The following PDE3B variants were observed in gnomAD, a reference collection of about 807,000 sequenced individuals.
The protein encoded by PDE3B is phosphodiesterase 3B, also known as cGMP-inhibited 3',5'-cyclic phosphodiesterase 3B.
A neutral mutation model predicts 116.8 loss-of-function variants in PDE3B; 66 were observed. That is an observed-to-expected ratio of 0.56 (90% CI 0.46 to 0.69). The LOEUF (loss-of-function observed/expected upper bound fraction) is 0.69, where lower values mean the gene tolerates loss of function less well. PDE3B is among the 30% of genes least tolerant of loss of function. The pLI is 0.00. For synonymous variants in PDE3B, 595 were observed against 533.6 expected (o/e 1.12, Z -1.59); for missense variants, 1,384 against 1,368.1 (o/e 1.01, Z -0.18).
chr11:14,723,723 C>G (rs1203475567), intron 1 of PDE3B, among the ~76,000 whole-genome samples: 1 of 151,428 alleles, frequency 6.6e-6, no homozygotes, highest in Non-Finnish European at 1.5e-5. Flanking sequence ...GATTGGGCCA[C>G]TGTACTCCAG....
intron 1 of PDE3B, among the ~76,000 whole-genome samples, chr11:14,667,673 C>T (rs183028233): frequency 4.7e-5 from 7 of 148,648 alleles, no homozygotes; most frequent in Non-Finnish European, 1.0e-4. Context: ...GAACATGACA[C>T]AACGGGGACT....
At chr11:14,891,055 T>G in the PDE3B span, 1 of 985,344 alleles carries the variant, frequency 1.0e-6, no homozygotes, top group Non-Finnish European at 1.2e-6. Flanking sequence ...GTCAGGCCTG[T>G]AGTTGCATAT....
intron 1 of PDE3B, among the ~76,000 whole-genome samples, chr11:14,651,969 TGAA>T (rs1454494885): frequency 1.3e-5 from 2 of 152,222 alleles, no homozygotes; most frequent in African/African-American, 2.4e-5. Context: ...TCAATTTTGA[TGAA>T]GTTTATCTAC....
chr11:14,841,013 G>T (rs1860205248), intron 11 of PDE3B, among the ~76,000 whole-genome samples: 1 of 152,002 alleles, frequency 6.6e-6, no homozygotes, highest in Non-Finnish European at 1.5e-5. Flanking sequence ...CTACATATTT[G>T]GTCAGACATT....
chr11:14,805,125 C>T (rs1216463960), intron 5 of PDE3B, among the ~76,000 whole-genome samples: 1 of 151,990 alleles, frequency 6.6e-6, no homozygotes, highest in Non-Finnish European at 1.5e-5. Flanking sequence ...TAAAAGAAAG[C>T]AAACAACAAA....
At chr11:14,892,380 G>T in the PDE3B span, 4 of 643,918 alleles carry the variant, frequency 6.2e-6, no homozygotes, top group South Asian at 5.7e-5. Context: ...AGTTTTGCGC[G>T]GCTGAGAGTG....
the PDE3B span, chr11:14,890,772 TCTC>T: frequency 2.5e-5 from 17 of 673,632 alleles, no homozygotes; most frequent in Non-Finnish European, 2.7e-5. Context: ...ACGGTCTCGA[TCTC>T]CTGATTTCGT....
At chr11:14,858,779 CA>C (rs1430898069) in intron 12 of PDE3B, among the ~76,000 whole-genome samples, 19 of 152,138 alleles carry the variant, frequency 1.2e-4, no homozygotes, top group African/African-American at 4.6e-4. Context: ...ACGGTGTCTG[CA>C]AAGATAAACT....
chr11:14,855,348 TA>T (rs1164780239), intron 12 of PDE3B, among the ~76,000 whole-genome samples: 112 of 146,220 alleles, frequency 7.7e-4, no homozygotes, highest in East Asian at 1.2e-3. Flanking sequence ...AGATTTTGTT[TA>T]AAAAAAAAAA....
chr11:14,709,157 A>G (rs1215136848), intron 1 of PDE3B, among the ~76,000 whole-genome samples: 1 of 152,090 alleles, frequency 6.6e-6, no homozygotes, highest in Non-Finnish European at 1.5e-5. Flanking sequence ...CTGTGAAAAA[A>G]AAGTGCAGAG....
At chr11:14,879,141 T>C in the PDE3B span, 9 of 1,613,192 alleles carry the variant, frequency 5.6e-6, no homozygotes, top group Non-Finnish European at 8.5e-7. Context: ...AAAGCTTCCT[T>C]CTTGGCAAAA....
At chr11:14,707,216 C>T (rs570318990) in intron 1 of PDE3B, among the ~76,000 whole-genome samples, 2 of 152,014 alleles carry the variant, frequency 1.3e-5, no homozygotes, top group Admixed American at 1.3e-4. Context: ...TGAGCGAAGA[C>T]CTGAGATGAA....
intron 2 of PDE3B, among the ~76,000 whole-genome samples, chr11:14,781,797 G>T (rs555293744): frequency 6.6e-6 from 1 of 152,268 alleles, no homozygotes; most frequent in East Asian, 1.9e-4. Flanking sequence ...ACATAGTGTT[G>T]GAAGTTCTGG....
At chr11:14,859,378 T>C (rs1555006712) in intron 13 of PDE3B, 132 bp downstream of exon 13, 1 of 506,666 alleles carries the variant, frequency 2.0e-6, no homozygotes, top group African/African-American at 2.0e-5. Flanking sequence ...TATAAAATAA[T>C]ATATATGCCT....
At position 14,870,874 on chromosome 11, in the gene PDE3B, T is replaced by C; in HGVS notation, c.*1214T>C. ...TTTCATACAAAAGTACATTATTAAA[T>C]AACCACATTATTAAAATAATTGCAA... On this transcript the variant is annotated 3_prime_UTR_variant, in exon 16 of 16. Coordinates refer to ENST00000282096, the MANE Select transcript of PDE3B (RefSeq NM_000922.4). This position sits in a 1 kb window ranked among gnomAD's most constrained non-coding sequence, Gnocchi z 4.1. The C allele has an allele frequency of 6.6e-6, 1 of 152,200 alleles. No homozygotes were observed. Among genetic ancestry groups the C allele is most frequent in the East Asian group, 1.9e-4 (1 of 5,202 alleles). The allele number at this position is 152,200 out of a possible 1,614,324, so 9.4% of individuals were successfully genotyped here. A position where few individuals can be genotyped will look rare whatever the true frequency, so the allele number is the denominator to read the frequency against.
chr11:14,674,884 T>A (rs994850914), intron 1 of PDE3B, among the ~76,000 whole-genome samples: 1 of 152,228 alleles, frequency 6.6e-6, no homozygotes, highest in African/African-American at 2.4e-5. Flanking sequence ...TGTATGAGTC[T>A]TGAAAATTGT....
At chr11:14,765,874 C>T (rs1857482373) in intron 1 of PDE3B, among the ~76,000 whole-genome samples, 1 of 150,374 alleles carries the variant, frequency 6.7e-6, no homozygotes, top group Admixed American at 6.6e-5. Flanking sequence ...ACAAGATCTA[C>T]TTTGGTATTG....
intron 11 of PDE3B, among the ~76,000 whole-genome samples, chr11:14,836,528 C>G (rs575910415): frequency 2.0e-5 from 3 of 152,240 alleles, no homozygotes; most frequent in Admixed American, 6.5e-5. Context: ...CAAAGCCGCT[C>G]CCACATTTTT....
intron 1 of PDE3B, among the ~76,000 whole-genome samples, chr11:14,749,238 T>C (rs184885717): frequency 2.0e-5 from 3 of 152,158 alleles, no homozygotes; most frequent in Non-Finnish European, 2.9e-5. Context: ...CATAGATTGG[T>C]ACATATGTAA....
Sources: allele counts gnomAD v4.1 joint callset (sites outside exome capture counted in the v4.1 genomes callset), GRCh38; gene constraint gnomAD v4.1.1; non-coding constraint Gnocchi (gnomAD v3.1); transcripts MANE v1.5; gene names NCBI Gene and HGNC (gene_info 2026-07-23, HGNC 2026-07-21).